The following PLEKHG3 variants were observed in gnomAD, a reference collection of about 807,000 sequenced individuals.
PLEKHG3 encodes the protein pleckstrin homology and RhoGEF domain containing G3.
In PLEKHG3, 62 loss-of-function variants were observed where a neutral mutation model predicts 94.9. The ratio of observed to expected loss-of-function variants is 0.65; its 90% CI spans 0.53 to 0.81. The LOEUF (loss-of-function observed/expected upper bound fraction) is 0.81. Ranked by LOEUF, PLEKHG3 falls within the 30% of genes least tolerant of loss-of-function variation. The pLI, the probability that PLEKHG3 is intolerant of heterozygous loss-of-function variation, is 0.00. For synonymous variants in PLEKHG3, 614 were observed against 654.0 expected (o/e 0.94, Z 0.93); for missense variants, 1,461 against 1,619.3 (o/e 0.90, Z 1.68).
intron 1 of PLEKHG3, among the ~76,000 whole-genome samples, chr14:64,714,251 G>T (rs1007721157): frequency 6.6e-6 from 1 of 152,198 alleles, no homozygotes; most frequent in African/African-American, 2.4e-5. Context: ...GTGATGATGA[G>T]GTCTGGGGCA....
rs2081482624 is a variant in PLEKHG3, at chr14:64,732,273, T to G, written c.1212+92T>G. ...CCATTGGGGGCTCACCTTCTGGATT[T>G]GGGCTCCAGTGGACAGTGAGTGTCA... On this transcript the variant is annotated intron_variant, in intron 10 of 16. Coordinates refer to ENST00000247226, the MANE Select transcript of PLEKHG3 (RefSeq NM_001308147.2). This position sits in a 1 kb window ranked among gnomAD's most constrained non-coding sequence, Gnocchi z 4.9. 1 of 1,290,934 alleles carries G rather than the reference T, an allele frequency of 7.7e-7. No individual in the cohort carries two copies. The highest frequency in any genetic ancestry group is 1.7e-5 in the Admixed American group (1 of 59,092). The allele number at this position is 1,290,934 out of a possible 1,614,324, so 80.0% of individuals were successfully genotyped here.
rs1389449030 is a variant in PLEKHG3, at chr14:64,750,008, T to C, written c.*6305T>C. On this transcript the variant is annotated 3_prime_UTR_variant, in exon 17 of 17. Transcript: ENST00000247226. ...CAGCTTAAAGACGTGCTTCTTCTTC[T>C]TGTAGTTGGCAGCAATCTCACAGAT... 6.2e-7 allele frequency: 1 copy of C among 1,614,118 alleles called. No homozygotes were observed. The highest frequency in any genetic ancestry group is 1.3e-5 in the African/African-American group (1 of 74,942).
rs1461613184 is a variant in PLEKHG3, at chr14:64,721,396, AG to A, written c.-39-6195del. Among the ~76,000 whole-genome samples the A allele has an allele frequency of 6.6e-6, 1 of 152,150 alleles. No homozygotes were observed. The highest frequency in any genetic ancestry group is 1.5e-5 in the Non-Finnish European group (1 of 67,994). ...CTTTCTGGACTTCAGTTGCAGGCCC[AG>A]GCTTTCTCCTGGAGTCCATGTGGGA... On this transcript the variant is annotated intron_variant, in intron 1 of 16. Transcript: ENST00000247226. The surrounding 1 kb of genome is among the most constrained non-coding windows in gnomAD (Gnocchi z 4.3).
intron 12 of PLEKHG3, among the ~76,000 whole-genome samples, chr14:64,733,220 A>G (rs1448099354): frequency 1.4e-5 from 2 of 141,108 alleles, no homozygotes; most frequent in Non-Finnish European, 3.0e-5. Flanking sequence ...GCTGGAGTGC[A>G]GTGGCTCGAT....
intron 12 of PLEKHG3, among the ~76,000 whole-genome samples, chr14:64,736,632 G>T (rs1455127384): frequency 6.6e-6 from 1 of 152,204 alleles, no homozygotes; most frequent in Non-Finnish European, 1.5e-5. Context: ...GGTAGTCACA[G>T]CGGGGGTCCT....
chr14:64,741,584 A>G lies in PLEKHG3; in HGVS notation c.2067A>G (p.Pro689=). Residue 689 remains proline, a synonymous_variant, in exon 16 of 17, where the codon CCA becomes CCG. Transcript: ENST00000247226. ...DSPSVNGMEP[P]SPGCPVEPDR... is the part of the protein sequence containing the mutation. ...CTTCTGTCAATGGGATGGAGCCCCC[A>G]AGCCCAGGCTGCCCAGTGGAGCCTG... 6.2e-7 allele frequency: 1 copy of G among 1,612,990 alleles called. No homozygotes were observed. Among genetic ancestry groups the G allele is most frequent in the South Asian group, 1.1e-5 (1 of 91,082 alleles).
At chr14:64,733,387 C>G (rs979259277) in intron 12 of PLEKHG3, among the ~76,000 whole-genome samples, 3 of 152,008 alleles carry the variant, frequency 2.0e-5, no homozygotes, top group African/African-American at 7.3e-5. Flanking sequence ...AGGCTAGTTT[C>G]GAACTCCTGG....
intron 14 of PLEKHG3, chr14:64,737,775 G>T: frequency 9.1e-6 from 6 of 661,134 alleles, no homozygotes; most frequent in Non-Finnish European, 1.3e-5. Context: ...GGCTTTCTGT[G>T]TGAAGGCTCC....
Position 64,738,638 on chromosome 14 carries a change from T to TCAGCC in PLEKHG3, c.1405-97_1405-93dup, listed in dbSNP as rs1235979148. On this transcript the variant is annotated intron_variant, in intron 14 of 16. Transcript: ENST00000247226. This position sits in a 1 kb window ranked among gnomAD's most constrained non-coding sequence, Gnocchi z 4.8. ...CTCAGGTCCAAGACTGGCTCTCAGC[T>TCAGCC]CAGCCCAGCCCCTTGGGGCGTGGGA... 2.2e-5 allele frequency: 18 copies of TCAGCC among 833,052 alleles called. No homozygotes were observed. In the African/African-American group the frequency reaches 2.5e-4, roughly 12 times the overall value. The allele number at this position is 833,052 out of a possible 1,614,324, so 51.6% of individuals were successfully genotyped here. A position where few individuals can be genotyped will look rare whatever the true frequency, so the allele number is the denominator to read the frequency against.
chr14:64,711,749 C>T (rs1300847145), intron 1 of PLEKHG3, among the ~76,000 whole-genome samples: 1 of 152,158 alleles, frequency 6.6e-6, no homozygotes, highest in Non-Finnish European at 1.5e-5. Flanking sequence ...AGTTCATTGT[C>T]AAGTATACGA....
In PLEKHG3 at chr14:64,721,405, C is replaced by T. The variant is rs2081259859; in HGVS notation, c.-39-6188C>T. Reference sequence around the variant, plus strand: ...CTTCAGTTGCAGGCCCAGGCTTTCTCCTGGAGTCCATGTGGGAGGGCTCCC... The same window carrying T: ...CTTCAGTTGCAGGCCCAGGCTTTCTTCTGGAGTCCATGTGGGAGGGCTCCC... On this transcript the variant is annotated intron_variant, in intron 1 of 16. Transcript: ENST00000247226. The surrounding 1 kb of genome is among the most constrained non-coding windows in gnomAD (Gnocchi z 4.3). Among the ~76,000 whole-genome samples the T allele has an allele frequency of 6.6e-6, 1 of 152,156 alleles. No homozygotes were observed. The highest frequency in any genetic ancestry group is 6.5e-5 in the Admixed American group (1 of 15,282).
chr14:64,714,617 A>G (rs1293613576), intron 1 of PLEKHG3, among the ~76,000 whole-genome samples: 1 of 152,198 alleles, frequency 6.6e-6, no homozygotes, highest in African/African-American at 2.4e-5. Context: ...TATACTGTCA[A>G]TACATGTGAG....
In PLEKHG3 at chr14:64,725,069, T is replaced by C. The variant is rs1339660305; in HGVS notation, c.-39-2524T>C. Among the ~76,000 whole-genome samples, 10 of 152,216 alleles carry C rather than the reference T, an allele frequency of 6.6e-5. No homozygotes were observed. Among genetic ancestry groups the C allele is most frequent in the Admixed American group, 4.6e-4 (7 of 15,286 alleles). On this transcript the variant is annotated intron_variant, in intron 1 of 16. Transcript: ENST00000247226. This position sits in a 1 kb window ranked among gnomAD's most constrained non-coding sequence, Gnocchi z 5.0. ...CAATCAGAGAGAAAACTTCTGTAAG[T>C]AGAAAAGACATATTAGTTTCTGGGT...
intron 1 of PLEKHG3, among the ~76,000 whole-genome samples, chr14:64,711,079 G>A (rs2081060303): frequency 6.6e-6 from 1 of 152,206 alleles, no homozygotes; most frequent in Non-Finnish European, 1.5e-5. Context: ...ATAAGACCAA[G>A]TAGGTGGTTT....
chr14:64,748,936 C>CT lies in PLEKHG3; in HGVS notation c.*5251dup, dbSNP rs34353769. 147 of 128,742 alleles carry CT rather than the reference C, an allele frequency of 1.1e-3. 1 individual carries two copies. The highest frequency in any genetic ancestry group is 8.7e-3 in the East Asian group (38 of 4,372). 8.0% of individuals were successfully genotyped at this position (128,742 alleles called of 1,614,324 possible). On this transcript the variant is annotated 3_prime_UTR_variant, in exon 17 of 17. Coordinates refer to ENST00000247226, the MANE Select transcript of PLEKHG3 (RefSeq NM_001308147.2). Reference sequence around the variant, plus strand: ...AGAACCCCATCAGCCTTCTCCAGCTCTTTTTTTTTTTTTTTTTTGGTTGGG... The same window carrying CT: ...AGAACCCCATCAGCCTTCTCCAGCTCTTTTTTTTTTTTTTTTTTTGGTTGGG...
At position 64,738,811 on chromosome 14, in the gene PLEKHG3, A is replaced by T. The variant is rs1435639657; in HGVS notation, c.1474A>T (p.Thr492Ser). Residue 492 changes from threonine (T) to serine (S), a missense_variant, in exon 15 of 17, where the codon ACT becomes TCT. Transcript: ENST00000247226. The surrounding 1 kb of genome is among the most constrained non-coding windows in gnomAD (Gnocchi z 4.8). Reference sequence around the variant, plus strand: ...GCCCAGTGGCCGGTCTCCAACCAGTACTGAGAAGCGCATGAGCTTCGAGTC... The same window carrying T: ...GCCCAGTGGCCGGTCTCCAACCAGTTCTGAGAAGCGCATGAGCTTCGAGTC... ...RRPSGRSPTS[T>S]EKRMSFESIS... 4 of 1,599,362 alleles carry T rather than the reference A, an allele frequency of 2.5e-6. No individual in the cohort carries two copies. In the African/African-American group the frequency reaches 5.4e-5, roughly 21 times the overall value.
rs1320581693 is a variant in PLEKHG3, at chr14:64,748,881, A to AGACTT, written c.*5180_*5184dup. On this transcript the variant is annotated 3_prime_UTR_variant, in exon 17 of 17. Coordinates refer to ENST00000247226, the MANE Select transcript of PLEKHG3 (RefSeq NM_001308147.2). ...ACCAGGTGGGAGGTGACCCGAAGCA[A>AGACTT]GACTTGCTTTAGGAACGGGCAGCGT... The AGACTT allele has an allele frequency of 1.2e-5, 2 of 171,834 alleles. No homozygotes were observed. The highest frequency in any genetic ancestry group is 1.8e-4 in the East Asian group (1 of 5,526). The allele number at this position is 171,834 out of a possible 1,614,324, so 10.6% of individuals were successfully genotyped here. A position where few individuals can be genotyped will look rare whatever the true frequency, so the allele number is the denominator to read the frequency against.
chr14:64,749,556 G>A lies in PLEKHG3; in HGVS notation c.*5853G>A. ...CCAGGCAACAATGGTGGGGGCTCTT[G>A]GGACTGCCCCTTCTGAGGGGGCCTC... On this transcript the variant is annotated 3_prime_UTR_variant, in exon 17 of 17. Transcript: ENST00000247226. The surrounding 1 kb of genome is among the most constrained non-coding windows in gnomAD (Gnocchi z 4.7). 2 of 1,603,336 alleles carry A rather than the reference G, an allele frequency of 1.2e-6. No individual in the cohort carries two copies. The highest frequency in any genetic ancestry group is 8.5e-7 in the Non-Finnish European group (1 of 1,178,424).
In PLEKHG3 at chr14:64,732,338, G is replaced by T; in HGVS notation, c.1213-89G>T. The T allele has an allele frequency of 3.1e-6, 4 of 1,307,240 alleles. No homozygotes were observed. Among genetic ancestry groups the T allele is most frequent in the Non-Finnish European group, 4.4e-6 (4 of 901,032 alleles). The allele number at this position is 1,307,240 out of a possible 1,614,324, so 81.0% of individuals were successfully genotyped here. On this transcript the variant is annotated intron_variant, in intron 10 of 16. Transcript: ENST00000247226. This position sits in a 1 kb window ranked among gnomAD's most constrained non-coding sequence, Gnocchi z 4.9. ...CCGGGCCTTGGTGCAGCACTGTGGG[G>T]TGTCCTCGTACAGCAACAGTGGGTC...
Sources: allele counts gnomAD v4.1 joint callset (sites outside exome capture counted in the v4.1 genomes callset), GRCh38; gene constraint gnomAD v4.1.1; non-coding constraint Gnocchi (gnomAD v3.1); transcripts MANE v1.5; gene names NCBI Gene and HGNC (gene_info 2026-07-23, HGNC 2026-07-21).